NKAIN3: variants seen among roughly 807,000 people sequenced by gnomAD.
NKAIN3 encodes the protein sodium/potassium-transporting ATPase subunit beta-1-interacting protein 3.
NKAIN3 carries 25 observed loss-of-function variants against 30.2 expected under a neutral mutation model. The ratio of observed to expected loss-of-function variants is 0.83; its 90% CI spans 0.60 to 1.16. The LOEUF is 1.16. NKAIN3 is among the 50% of genes most tolerant of loss of function. The pLI, the probability that NKAIN3 is intolerant of heterozygous loss-of-function variation, is 0.00. For synonymous variants in NKAIN3, 91 were observed against 89.6 expected (o/e 1.02, Z -0.09); for missense variants, 225 against 254.1 (o/e 0.89, Z 0.78).
chr8:62,576,585 T>A (rs945288068), intron 1 of NKAIN3, among the ~76,000 whole-genome samples: 9 of 152,150 alleles, frequency 5.9e-5, no homozygotes, highest in African/African-American at 2.2e-4. Context: ...TATTCAGTGG[T>A]GTGCAGGTAA....
chr8:62,771,281 A>G (rs1388359254), intron 4 of NKAIN3, among the ~76,000 whole-genome samples: 1 of 152,104 alleles, frequency 6.6e-6, no homozygotes, highest in Admixed American at 6.6e-5. Context: ...TAAATGAATA[A>G]ATACATAATT....
At position 62,887,484 on chromosome 8, in the gene NKAIN3, CTCT is replaced by C. The variant is rs754228812; in HGVS notation, c.472-30964_472-30962del. ...CCTTTCTCTCTTTTTTCTCCTTCTGCTCTTCTTATTACACATATTTTATACCTT... is the reference window on the plus strand; with the variant it reads ...CCTTTCTCTCTTTTTTCTCCTTCTGCTCTTATTACACATATTTTATACCTT... On this transcript the variant is annotated intron_variant, in intron 4 of 6. Coordinates refer to ENST00000623646, the MANE Select transcript of NKAIN3 (RefSeq NM_001304533.3). Among the ~76,000 whole-genome samples, 153 of 152,234 alleles carry C rather than the reference CTCT, an allele frequency of 1.0e-3. 1 individual carries two copies. The highest frequency in any genetic ancestry group is 1.9e-3 in the Non-Finnish European group (126 of 68,018).
chr8:62,748,189 A>G (rs745895580), intron 4 of NKAIN3, among the ~76,000 whole-genome samples: 4 of 152,206 alleles, frequency 2.6e-5, no homozygotes, highest in Admixed American at 6.5e-5. Flanking sequence ...AAGGTCACCC[A>G]TATAAACTCC....
At chr8:62,999,086 G>A (rs1462672216) in intron 5 of NKAIN3, 4 of 152,072 alleles carry the variant, frequency 2.6e-5, no homozygotes, top group Non-Finnish European at 5.9e-5. Flanking sequence ...TTGTTGACTT[G>A]TTTGGGTTCC....
intron 4 of NKAIN3, among the ~76,000 whole-genome samples, chr8:62,783,969 A>G (rs1817438389): frequency 6.6e-6 from 1 of 152,002 alleles, no homozygotes; most frequent in Admixed American, 6.6e-5. Context: ...TTTAAAGAGC[A>G]CATGCAGCAT....
chr8:62,861,926 G>A (rs1431747040), intron 4 of NKAIN3, among the ~76,000 whole-genome samples: 1 of 152,168 alleles, frequency 6.6e-6, no homozygotes, highest in African/African-American at 2.4e-5. Context: ...TACACCAAAC[G>A]AGGATTCCTG....
chr8:62,495,093 G>A (rs749414378), intron 1 of NKAIN3, among the ~76,000 whole-genome samples: 1 of 152,016 alleles, frequency 6.6e-6, no homozygotes, highest in African/African-American at 2.4e-5. Flanking sequence ...GTTATTTCCT[G>A]TCTCTTACTA....
chr8:62,567,069 C>A (rs1809775476), intron 1 of NKAIN3, among the ~76,000 whole-genome samples: 1 of 151,958 alleles, frequency 6.6e-6, no homozygotes, highest in Non-Finnish European at 1.5e-5. Flanking sequence ...TTCTTTATAT[C>A]AAAATTCTTA....
chr8:62,879,614 C>G (rs1398993126), intron 4 of NKAIN3, among the ~76,000 whole-genome samples: 3 of 152,110 alleles, frequency 2.0e-5, no homozygotes, highest in African/African-American at 7.2e-5. Context: ...GCACAGCTGT[C>G]TATGGGTGGG....
chr8:62,843,498 A>T (rs1233913271), intron 4 of NKAIN3, among the ~76,000 whole-genome samples: 1 of 151,514 alleles, frequency 6.6e-6, no homozygotes, highest in East Asian at 2.0e-4. Context: ...CACCACACCT[A>T]GCTGATTTTT....
At chr8:62,888,269 G>C (rs1821203698) in intron 4 of NKAIN3, among the ~76,000 whole-genome samples, 1 of 152,206 alleles carries the variant, frequency 6.6e-6, no homozygotes, top group Non-Finnish European at 1.5e-5. Flanking sequence ...GTTAAGAACA[G>C]AATGCTCTGA....
At chr8:62,546,986 T>C (rs957038924) in intron 1 of NKAIN3, among the ~76,000 whole-genome samples, 1 of 152,130 alleles carries the variant, frequency 6.6e-6, no homozygotes, top group African/African-American at 2.4e-5. Context: ...TGTGGAGACC[T>C]GGTGCAGCTG....
chr8:62,268,069 G>A (rs1812661985), intron 1 of NKAIN3, among the ~76,000 whole-genome samples: 1 of 152,160 alleles, frequency 6.6e-6, no homozygotes, highest in African/African-American at 2.4e-5. Context: ...ATCTCATATA[G>A]TAAGAAATCA....
chr8:62,627,106 G>A (rs531625789), intron 3 of NKAIN3, among the ~76,000 whole-genome samples: 60 of 152,236 alleles, frequency 3.9e-4, no homozygotes, highest in African/African-American at 1.3e-3. Context: ...GAGATATAAT[G>A]GACAGAATAC....
chr8:62,699,908 AG>A (rs1339902872), intron 3 of NKAIN3, among the ~76,000 whole-genome samples: 2 of 152,204 alleles, frequency 1.3e-5, no homozygotes, highest in Non-Finnish European at 2.9e-5. Context: ...TCAAGGCAGG[AG>A]GATCACTTGA....
At chr8:62,492,573 C>A (rs1393107092) in intron 1 of NKAIN3, among the ~76,000 whole-genome samples, 2 of 152,090 alleles carry the variant, frequency 1.3e-5, no homozygotes, top group African/African-American at 4.8e-5. Flanking sequence ...GGTCTGAACA[C>A]ATATCTTTCA....
intron 1 of NKAIN3, among the ~76,000 whole-genome samples, chr8:62,443,299 A>G (rs969503274): frequency 6.6e-6 from 1 of 152,036 alleles, no homozygotes; most frequent in Non-Finnish European, 1.5e-5. Flanking sequence ...TTCACTTATT[A>G]TCTTTCGTAG....
intron 4 of NKAIN3, among the ~76,000 whole-genome samples, chr8:62,780,421 C>T (rs1038662207): frequency 5.9e-5 from 9 of 152,138 alleles, no homozygotes; most frequent in East Asian, 3.9e-4. Context: ...AGGGAATTCT[C>T]CCTAACTCAT....
intron 1 of NKAIN3, among the ~76,000 whole-genome samples, chr8:62,571,742 C>T (rs1164799273): frequency 1.5e-4 from 23 of 152,188 alleles, no homozygotes; most frequent in Admixed American, 1.5e-3. Flanking sequence ...CTCAACCCCA[C>T]ATGGAAGCTG....
Sources: gnomAD v4.1 joint callset for allele counts (sites outside exome capture counted in the v4.1 genomes callset) on GRCh38, gnomAD v4.1.1 for gene constraint, MANE v1.5 for transcripts, NCBI Gene and HGNC (gene_info 2026-07-23, HGNC 2026-07-21) for gene names.